Variants in HECW2 observed in about 807,000 individuals in gnomAD.
The protein encoded by HECW2 is HECT, C2 and WW domain containing E3 ubiquitin protein ligase 2.
A neutral mutation model predicts 175.2 loss-of-function variants in HECW2; 61 were observed. The ratio of observed to expected loss-of-function variants is 0.35; its 90% confidence interval spans 0.28 to 0.43. The LOEUF (loss-of-function observed/expected upper bound fraction) is 0.43, where lower values mean the gene tolerates loss of function less well. HECW2 is among the 20% of genes least tolerant of loss of function. HECW2 has a pLI of 1.00. For synonymous variants in HECW2, 671 were observed against 731.0 expected, an observed-to-expected ratio of 0.92 and a Z score of 1.32; for missense variants, 1,524 against 2,000.5, an observed-to-expected ratio of 0.76 and a Z score of 4.54.
At chr2:196,379,079 C>CA (rs35075483) in intron 2 of HECW2, among the ~76,000 whole-genome samples, 36,538 of 136,282 alleles carry the variant, frequency 0.27, 5,623 homozygotes, top group African/African-American at 0.47. Flanking sequence ...TACCAGTGAG[C>CA]AAAAAAAAAA....
At chr2:196,569,123 G>C (rs944028639) in intron 1 of HECW2, among the ~76,000 whole-genome samples, 2 of 152,144 alleles carry the variant, frequency 1.3e-5, no homozygotes, top group Admixed American at 6.5e-5. Flanking sequence ...AATCACTTGA[G>C]GCCAGGAGTT....
chr2:196,317,308 G>C lies in HECW2; in HGVS notation c.2400C>G (p.Ser800Arg), dbSNP rs1479694987. 6.2e-7 allele frequency: 1 copy of C among 1,613,468 alleles called. No individual in the cohort carries two copies. The highest frequency in any genetic ancestry group is 2.2e-5 in the East Asian group (1 of 44,886). ...GAGCCTCGTCCACCCTCTGGTACCG[G>C]CTAACATCCTGGCGCACTGAAGGTA... is the stretch of plus-strand genomic sequence containing the variant. ...RSLPSVRQDV[S>R]RYQRVDEALP... The change falls in exon 10 of 29, where the codon AGC becomes AGG. Residue 800 changes from serine (S) to arginine (R), a missense_variant. Coordinates refer to ENST00000644978, the MANE Select transcript of HECW2 (RefSeq NM_001348768.2).
chr2:196,421,106 T>C (rs1209042037), intron 2 of HECW2, among the ~76,000 whole-genome samples: 1 of 152,102 alleles, frequency 6.6e-6, no homozygotes, highest in Non-Finnish European at 1.5e-5. Flanking sequence ...TCAGGAAGAA[T>C]GTGAGATGTG....
intron 17 of HECW2, among the ~76,000 whole-genome samples, chr2:196,262,635 G>A (rs1558992748): frequency 6.6e-6 from 1 of 150,546 alleles, no homozygotes; most frequent in South Asian, 2.1e-4. Flanking sequence ...ACCCAATCTC[G>A]ACTCACTGCA....
rs1575358421 is a variant in HECW2, at chr2:196,286,171, T to C, written c.3000+6394A>G. Reference sequence around the variant, plus strand: ...TGCTGACAGCATGTAATTGACCATGTTGGGAGAATTTACACCATCAAAACT... The same window carrying C: ...TGCTGACAGCATGTAATTGACCATGCTGGGAGAATTTACACCATCAAAACT... On this transcript the variant is annotated intron_variant, in intron 14 of 28. Coordinates refer to ENST00000644978, the MANE Select transcript of HECW2 (RefSeq NM_001348768.2). Among the ~76,000 whole-genome samples, 2 of 152,182 alleles carry C rather than the reference T, an allele frequency of 1.3e-5. 1 individual carries two copies. The highest frequency in any genetic ancestry group is 4.1e-4 in the South Asian group (2 of 4,826).
At chr2:196,240,357 T>C in intron 21 of HECW2, 92 bp downstream of exon 21, 9 of 885,496 alleles carry the variant, frequency 1.0e-5, no homozygotes, top group Non-Finnish European at 1.4e-5. Flanking sequence ...GGCAGAAGGA[T>C]TTCCTGTTTC....
chr2:196,588,751 T>C (rs981743538), intron 1 of HECW2, among the ~76,000 whole-genome samples: 3 of 152,204 alleles, frequency 2.0e-5, no homozygotes, highest in Non-Finnish European at 4.4e-5. Flanking sequence ...AGCTTATCAC[T>C]TGAGTCATAG....
At chr2:196,591,762 G>A (rs1410584065) in intron 1 of HECW2, among the ~76,000 whole-genome samples, 5 of 151,992 alleles carry the variant, frequency 3.3e-5, no homozygotes, top group African/African-American at 1.2e-4. Flanking sequence ...AACAATCCCC[G>A]CAGGAATCTT....
intron 1 of HECW2, among the ~76,000 whole-genome samples, chr2:196,507,239 A>T (rs1687798542): frequency 6.6e-6 from 1 of 152,260 alleles, no homozygotes; most frequent in Non-Finnish European, 1.5e-5. Flanking sequence ...ACATATAAAT[A>T]GAAACACATG....
chr2:196,367,964 A>G (rs998749136), intron 2 of HECW2, among the ~76,000 whole-genome samples: 3 of 151,058 alleles, frequency 2.0e-5, no homozygotes, highest in African/African-American at 7.3e-5. Context: ...TATATGATAC[A>G]TATATGAGAT....
chr2:196,439,639 G>C (rs1296524638), intron 1 of HECW2, among the ~76,000 whole-genome samples: 1 of 152,206 alleles, frequency 6.6e-6, no homozygotes, highest in Non-Finnish European at 1.5e-5. Flanking sequence ...AGTGTAAGAT[G>C]TAAGACAGAG....
chr2:196,225,691 G>T, intron 23 of HECW2, 81 bp downstream of exon 23: 3 of 840,280 alleles, frequency 3.6e-6, no homozygotes, highest in Non-Finnish European at 6.1e-6. Context: ...GATAAACAAT[G>T]ACTTTGACAG....
intron 1 of HECW2, among the ~76,000 whole-genome samples, chr2:196,442,816 C>A (rs941330022): frequency 1.3e-5 from 2 of 152,134 alleles, no homozygotes; most frequent in African/African-American, 2.4e-5. Context: ...AATTTTTCTA[C>A]AAATAAGATA....
At chr2:196,361,591 G>A (rs13432034) in intron 2 of HECW2, among the ~76,000 whole-genome samples, 2,150 of 152,282 alleles carry the variant, frequency 0.014, 57 homozygotes, top group African/African-American at 0.049. Flanking sequence ...ATATGTAACA[G>A]TTTTGCATGC....
At position 196,255,868 on chromosome 2, in the gene HECW2, T is replaced by C. The variant is rs188667426; in HGVS notation, c.3420-1839A>G. 1.2e-3 allele frequency among the ~76,000 whole-genome samples: 185 copies of C among 152,204 alleles called. 2 individuals carry two copies. Among genetic ancestry groups the C allele is most frequent in the African/African-American group, 4.0e-3 (168 of 41,526 alleles). ...AGGGCGGATTGCCTGAGCTCAGGAGTTCTTGTCCAGCCTGGGCAACACGGT... is the reference window on the plus strand; with the variant it reads ...AGGGCGGATTGCCTGAGCTCAGGAGCTCTTGTCCAGCCTGGGCAACACGGT... On this transcript the variant is annotated intron_variant, in intron 18 of 28. Coordinates refer to ENST00000644978, the MANE Select transcript of HECW2 (RefSeq NM_001348768.2).
At chr2:196,285,353 T>C (rs1690344881) in intron 14 of HECW2, among the ~76,000 whole-genome samples, 2 of 152,206 alleles carry the variant, frequency 1.3e-5, no homozygotes, top group African/African-American at 4.8e-5. Context: ...CAAAAAGTGC[T>C]TGTAACTATG....
intron 23 of HECW2, among the ~76,000 whole-genome samples, chr2:196,223,276 C>A (rs560177168): frequency 6.6e-6 from 1 of 152,244 alleles, no homozygotes; most frequent in South Asian, 2.1e-4. Flanking sequence ...ATCTATGTCA[C>A]ACTTCAATTT....
intron 1 of HECW2, among the ~76,000 whole-genome samples, chr2:196,585,948 T>TA (rs919721239): frequency 1.4e-4 from 21 of 152,280 alleles, no homozygotes; most frequent in Non-Finnish European, 2.1e-4. Flanking sequence ...CTTCAGCCTG[T>TA]ACTCCCTGCC....
intron 2 of HECW2, among the ~76,000 whole-genome samples, chr2:196,429,242 G>GC (rs1038478572): frequency 2.0e-5 from 3 of 151,260 alleles, no homozygotes; most frequent in African/African-American, 4.9e-5. Context: ...CCTGAGCCTG[G>GC]GGGGGGCCTA....
Sources: allele counts gnomAD v4.1 joint callset (sites outside exome capture counted in the v4.1 genomes callset), GRCh38; gene constraint gnomAD v4.1.1; transcripts MANE v1.5; gene names NCBI Gene and HGNC (gene_info 2026-07-23, HGNC 2026-07-21).